Variants in MCU observed in about 807,000 individuals in gnomAD.
MCU encodes mitochondrial calcium uniporter.
A neutral mutation model predicts 45.2 loss-of-function variants in MCU; 12 were observed. The observed-to-expected ratio is 0.27, with a 90% CI of 0.17 to 0.43. The LOEUF (loss-of-function observed/expected upper bound fraction) is 0.43. Among genes scored for constraint, MCU ranks in the 20% least tolerant of loss-of-function variants. MCU has a pLI of 1.00. For missense variants in MCU, 324 were observed against 436.7 expected (o/e 0.74, Z 2.30); for synonymous variants, 160 against 165.1 (o/e 0.97, Z 0.24).
At chr10:72,770,593 A>AT (rs1359772688) in intron 1 of MCU, among the ~76,000 whole-genome samples, 1 of 152,110 alleles carries the variant, frequency 6.6e-6, no homozygotes, top group Non-Finnish European at 1.5e-5. Context: ...CACCAAGAGA[A>AT]ATATGGAGAG....
intron 2 of MCU, 36 bp from the exon 3 acceptor site, chr10:72,859,141 C>A: frequency 1.3e-6 from 2 of 1,519,006 alleles, no homozygotes; most frequent in South Asian, 1.3e-5. Flanking sequence ...ACATTGAAAT[C>A]CAATTATCAT....
chr10:72,741,230 G>A (rs1230471056), intron 1 of MCU, among the ~76,000 whole-genome samples: 1 of 151,382 alleles, frequency 6.6e-6, no homozygotes, highest in Non-Finnish European at 1.5e-5. Context: ...CTCCCAAGTA[G>A]CTAGGATTAC....
chr10:72,869,603 A>AC (rs1845509399), intron 5 of MCU, among the ~76,000 whole-genome samples: 5 of 152,184 alleles, frequency 3.3e-5, no homozygotes, highest in African/African-American at 1.2e-4. Flanking sequence ...AACAAACAAA[A>AC]AAACAACAAC....
At position 72,711,444 on chromosome 10, in the gene MCU, C is replaced by T. The variant is rs1842893116; in HGVS notation, c.150+19143C>T. The stretch of plus-strand genomic sequence containing the variant: ...CCATGTTGGCCAGGCTAGTCTTGAA[C>T]TCCTGACCTCAAGTGATCTGCCTGC... On this transcript the variant is annotated intron_variant, in intron 1 of 7. Transcript: ENST00000373053. 3.3e-5 allele frequency among the ~76,000 whole-genome samples: 5 copies of T among 151,660 alleles called. No homozygotes were observed. In the South Asian group the frequency reaches 1.0e-3, roughly 31 times the overall value.
At chr10:72,756,920 C>T (rs1030921996) in intron 1 of MCU, 11 of 151,854 alleles carry the variant, frequency 7.2e-5, no homozygotes, top group African/African-American at 2.4e-4. Flanking sequence ...CACCTGTAGT[C>T]CCAGGTACTT....
intron 1 of MCU, among the ~76,000 whole-genome samples, chr10:72,776,554 G>A (rs772941239): frequency 1.3e-5 from 2 of 152,140 alleles, no homozygotes; most frequent in Non-Finnish European, 2.9e-5. Flanking sequence ...AATGGGTATA[G>A]AAGGAGCATA....
At chr10:72,717,827 G>T (rs923371154) in intron 1 of MCU, among the ~76,000 whole-genome samples, 2 of 152,100 alleles carry the variant, frequency 1.3e-5, no homozygotes, top group Admixed American at 6.6e-5. Flanking sequence ...TTTAGCAGGT[G>T]TATTACAATC....
At chr10:72,873,940 T>C (rs1845584034) in intron 6 of MCU, among the ~76,000 whole-genome samples, 2 of 152,196 alleles carry the variant, frequency 1.3e-5, no homozygotes. Context: ...GGATTCTCTA[T>C]TCTGTTTCTT....
chr10:72,808,151 T>G (rs556605713), intron 1 of MCU, among the ~76,000 whole-genome samples: 172 of 152,338 alleles, frequency 1.1e-3, no homozygotes, highest in African/African-American at 3.9e-3. Context: ...CCTTTGTCAT[T>G]ATATTCAGCA....
chr10:72,726,731 C>T (rs939718290), intron 1 of MCU, among the ~76,000 whole-genome samples: 2 of 151,998 alleles, frequency 1.3e-5, no homozygotes, highest in Non-Finnish European at 2.9e-5. Context: ...AATACTCAAC[C>T]CATATTTAAT....
At chr10:72,770,049 C>G (rs1317744752) in intron 1 of MCU, among the ~76,000 whole-genome samples, 1 of 151,268 alleles carries the variant, frequency 6.6e-6, no homozygotes, top group Non-Finnish European at 1.5e-5. Context: ...GGTTTTTTTT[C>G]TTTCTTACAT....
chr10:72,857,545 A>AT (rs1845312628), intron 2 of MCU, among the ~76,000 whole-genome samples: 1 of 152,080 alleles, frequency 6.6e-6, no homozygotes, highest in Non-Finnish European at 1.5e-5. Flanking sequence ...GCCAAAGCCC[A>AT]TTTTATATAC....
chr10:72,784,765 C>T (rs1262376746), intron 1 of MCU, among the ~76,000 whole-genome samples: 2 of 152,154 alleles, frequency 1.3e-5, no homozygotes, highest in Non-Finnish European at 2.9e-5. Context: ...GCCTCTCTGG[C>T]TGAAGTAAGT....
rs867273998 is a variant in MCU at position 72,805,179 on chromosome 10, T to C, written c.151-29180T>C. Among the ~76,000 whole-genome samples, 38 of 102,062 alleles carry C rather than the reference T, an allele frequency of 3.7e-4. 1 individual carries two copies. The highest frequency in any genetic ancestry group is 2.7e-3 in the African/African-American group (30 of 10,968). 67.0% of individuals were successfully genotyped at this position (102,062 alleles called of 152,430 possible). A position where few individuals can be genotyped will look rare whatever the true frequency, so the allele number is the denominator to read the frequency against. On this transcript the variant is annotated intron_variant, in intron 1 of 7. Transcript: ENST00000373053. Reference sequence around the variant, plus strand: ...TCTTTCTGTCTCTCTCTCTCTCTCTTTCCTTCCTTCCTTCCTTCCTTCCTT... The same window carrying C: ...TCTTTCTGTCTCTCTCTCTCTCTCTCTCCTTCCTTCCTTCCTTCCTTCCTT...
chr10:72,775,712 A>C (rs892419551), intron 1 of MCU, among the ~76,000 whole-genome samples: 1 of 152,232 alleles, frequency 6.6e-6, no homozygotes, highest in Non-Finnish European at 1.5e-5. Context: ...TCAGACATAC[A>C]AAGAATGGTT....
intron 1 of MCU, among the ~76,000 whole-genome samples, chr10:72,714,904 G>A (rs1384918373): frequency 6.6e-6 from 1 of 152,104 alleles, no homozygotes; most frequent in East Asian, 1.9e-4. Context: ...CGGTCAATCT[G>A]GATTTATTCT....
chr10:72,740,371 C>G (rs1843310244), intron 1 of MCU, among the ~76,000 whole-genome samples: 1 of 145,646 alleles, frequency 6.9e-6, no homozygotes, highest in Admixed American at 6.8e-5. Context: ...GAGTGAGACT[C>G]TGTCTCAAAA....
chr10:72,785,730 C>G (rs1844062226), intron 1 of MCU, among the ~76,000 whole-genome samples: 1 of 152,158 alleles, frequency 6.6e-6, no homozygotes, highest in South Asian at 2.1e-4. Context: ...CAATTTTCAT[C>G]TTGGTTTAAT....
intron 1 of MCU, among the ~76,000 whole-genome samples, chr10:72,710,007 G>T (rs1387428492): frequency 6.6e-6 from 1 of 152,076 alleles, no homozygotes; most frequent in Non-Finnish European, 1.5e-5. Flanking sequence ...ATGAAGTCTC[G>T]ATCTGTCGCC....
Sources: allele counts gnomAD v4.1 joint callset (sites outside exome capture counted in the v4.1 genomes callset), GRCh38; gene constraint gnomAD v4.1.1; transcripts MANE v1.5; gene names NCBI Gene and HGNC (gene_info 2026-07-23, HGNC 2026-07-21).